MAST4: variants seen among roughly 807,000 people sequenced by gnomAD.
MAST4 encodes microtubule-associated serine/threonine-protein kinase 4.
Under a neutral mutation model 162.7 loss-of-function variants are expected in MAST4, and 89 were observed. The ratio of observed to expected loss-of-function variants is 0.55; its 90% CI spans 0.46 to 0.65. The LOEUF (loss-of-function observed/expected upper bound fraction) is 0.65. Among genes scored for constraint, MAST4 ranks in the 30% least tolerant of loss-of-function variants. The probability of loss-of-function intolerance (pLI) is 0.00; values close to 1 mark genes in which losing one functional copy is unlikely to be tolerated. For synonymous variants in MAST4, 1,479 were observed against 1,361.1 expected, an observed-to-expected ratio of 1.09 and a Z score of -1.91; for missense variants, 3,153 against 3,374.0, an observed-to-expected ratio of 0.93 and a Z score of 1.62.
intron 1 of MAST4, among the ~76,000 whole-genome samples, chr5:66,688,146 C>T (rs538567042): frequency 2.4e-4 from 37 of 152,308 alleles, no homozygotes; most frequent in African/African-American, 8.9e-4. Context: ...GGCTTTTTAG[C>T]ACACTTCCCA....
intron 5 of MAST4, among the ~76,000 whole-genome samples, chr5:67,061,349 C>T (rs1228696169): frequency 3.9e-5 from 6 of 152,142 alleles, no homozygotes; most frequent in Non-Finnish European, 8.8e-5. Flanking sequence ...ACTCATTAAC[C>T]ATTTGTATCT....
At chr5:66,730,219 A>G (rs540918070) in intron 1 of MAST4, among the ~76,000 whole-genome samples, 1 of 152,290 alleles carries the variant, frequency 6.6e-6, no homozygotes, top group South Asian at 2.1e-4. Flanking sequence ...AACTCTGCTC[A>G]CTTCATTATT....
At chr5:66,891,573 T>C (rs1474282644) in intron 3 of MAST4, among the ~76,000 whole-genome samples, 1 of 152,178 alleles carries the variant, frequency 6.6e-6, no homozygotes, top group East Asian at 1.9e-4. Context: ...CCTTCTATGA[T>C]GTGGCCCTGT....
chr5:66,698,965 ATC>A (rs1451426943), intron 1 of MAST4, among the ~76,000 whole-genome samples: 10 of 152,064 alleles, frequency 6.6e-5, no homozygotes, highest in African/African-American at 2.2e-4. Flanking sequence ...CTATAGTCCA[ATC>A]TCTGTTTGTC....
At chr5:66,995,626 C>T (rs1750545144) in intron 4 of MAST4, among the ~76,000 whole-genome samples, 1 of 152,178 alleles carries the variant, frequency 6.6e-6, no homozygotes, top group South Asian at 2.1e-4. Flanking sequence ...TGGTCTCAAT[C>T]TCTTGACCTT....
intron 3 of MAST4, among the ~76,000 whole-genome samples, chr5:66,876,269 C>T (rs1561404907): frequency 6.6e-6 from 1 of 152,188 alleles, no homozygotes; most frequent in Non-Finnish European, 1.5e-5. Flanking sequence ...GGAGGGAGAT[C>T]TGAGTGGCAG....
chr5:66,979,782 TGAACTTTGTGAGAAACAATG>T (rs1209601408), intron 4 of MAST4, among the ~76,000 whole-genome samples: 1 of 152,252 alleles, frequency 6.6e-6, no homozygotes, highest in Non-Finnish European at 1.5e-5. Context: ...AAAATGTCAT[TGAACTTTGTGAGAAACAATG>T]GTTATTGGAG....
At chr5:66,873,023 CTT>C (rs1032656185) in intron 3 of MAST4, among the ~76,000 whole-genome samples, 1 of 152,136 alleles carries the variant, frequency 6.6e-6, no homozygotes, top group African/African-American at 2.4e-5. Flanking sequence ...TGGTGAGAGT[CTT>C]TTTGCTGTTC....
intron 1 of MAST4, among the ~76,000 whole-genome samples, chr5:66,598,656 T>C (rs61423856): frequency 6.6e-6 from 1 of 152,170 alleles, no homozygotes; most frequent in Non-Finnish European, 1.5e-5. Flanking sequence ...CACACTGGCA[T>C]TGGGAAGCTG....
At position 66,652,974 on chromosome 5, in the gene MAST4, C is replaced by T. The variant is rs143931947; in HGVS notation, c.363+55956C>T. Among the ~76,000 whole-genome samples the T allele has an allele frequency of 2.3e-3, 354 of 152,242 alleles. 2 individuals are homozygous for T. The highest frequency in any genetic ancestry group is 7.8e-3 in the African/African-American group (326 of 41,530). ...ATGTCAATGCCTTTGTCAGGCCCCACGCGGTTCTGTCTGTAGGGAGTAGGT... is the reference window on the plus strand; with the variant it reads ...ATGTCAATGCCTTTGTCAGGCCCCATGCGGTTCTGTCTGTAGGGAGTAGGT... On this transcript the variant is annotated intron_variant, in intron 1 of 28. Coordinates refer to ENST00000403625, the MANE Select transcript of MAST4 (RefSeq NM_001164664.2).
intron 4 of MAST4, among the ~76,000 whole-genome samples, chr5:66,936,784 G>A (rs575479189): frequency 7.9e-5 from 12 of 152,120 alleles, no homozygotes; most frequent in Non-Finnish European, 1.5e-4. Flanking sequence ...AATACCTGAC[G>A]AATATTACCC....
chr5:66,885,268 C>G (rs1761966643), intron 3 of MAST4, among the ~76,000 whole-genome samples: 2 of 152,262 alleles, frequency 1.3e-5, no homozygotes, highest in African/African-American at 4.8e-5. Context: ...TTTTCTCACA[C>G]AGCATGTTAG....
At chr5:66,819,946 G>T (rs1161274571) in intron 3 of MAST4, among the ~76,000 whole-genome samples, 1 of 141,646 alleles carries the variant, frequency 7.1e-6, no homozygotes, top group African/African-American at 2.6e-5. Flanking sequence ...GCTAATTTTT[G>T]TGGGGTTTTT....
intron 5 of MAST4, among the ~76,000 whole-genome samples, chr5:67,061,647 T>C (rs576162067): frequency 6.6e-6 from 1 of 152,262 alleles, no homozygotes; most frequent in African/African-American, 2.4e-5. Context: ...AGAGTTTTGC[T>C]TTTTTGACAA....
chr5:66,768,587 A>G lies in MAST4; in HGVS notation c.517+8725A>G, dbSNP rs568457952. On this transcript the variant is annotated intron_variant, in intron 2 of 28. Transcript: ENST00000403625. ...ATATATAACATTCTTACAATGATAA[A>G]ATTATAGAACTGGAGGACTGATTCA... Among the ~76,000 whole-genome samples the G allele has an allele frequency of 5.9e-5, 9 of 152,298 alleles. No individual in the cohort carries two copies. In the South Asian group the frequency reaches 1.9e-3, roughly 32 times the overall value.
chr5:67,049,051 A>C (rs1757814034), intron 4 of MAST4, among the ~76,000 whole-genome samples: 1 of 111,368 alleles, frequency 9.0e-6, no homozygotes, highest in African/African-American at 3.7e-5. Flanking sequence ...ACGTGTATAT[A>C]TATATATACG....
Position 66,694,173 on chromosome 5 carries a change from T to G in MAST4, c.364-65536T>G, listed in dbSNP as rs565602498. ...TGGGACCCACCCTGGACATCTTGAA[T>G]TTGAATTTCTTGGAATAGAGCCTGG... On this transcript the variant is annotated intron_variant, in intron 1 of 28. Coordinates refer to ENST00000403625, the MANE Select transcript of MAST4 (RefSeq NM_001164664.2). 2.0e-5 allele frequency among the ~76,000 whole-genome samples: 3 copies of G among 152,298 alleles called. 1 individual carries two copies. The South Asian group carries it at 6.2e-4, about 32-fold the overall frequency.
chr5:66,987,080 A>T (rs774391475), intron 4 of MAST4, among the ~76,000 whole-genome samples: 1 of 152,226 alleles, frequency 6.6e-6, no homozygotes, highest in Non-Finnish European at 1.5e-5. Flanking sequence ...AGCCTGAAAG[A>T]ATAAATGTTT....
chr5:66,716,943 G>A (rs1750878147), intron 1 of MAST4, among the ~76,000 whole-genome samples: 1 of 152,180 alleles, frequency 6.6e-6, no homozygotes, highest in Non-Finnish European at 1.5e-5. Flanking sequence ...GTCTCCTAGT[G>A]CATTATGCAT....
Sources: gnomAD v4.1 joint callset for allele counts (sites outside exome capture counted in the v4.1 genomes callset) on GRCh38, gnomAD v4.1.1 for gene constraint, MANE v1.5 for transcripts, NCBI Gene and HGNC (gene_info 2026-07-23, HGNC 2026-07-21) for gene names.